TAFA1: variants seen among roughly 807,000 people sequenced by gnomAD.
TAFA1 encodes the protein TAFA chemokine like family member 1, also known as chemokine-like protein TAFA-1.
A neutral mutation model predicts 18.5 loss-of-function variants in TAFA1; 4 were observed. The observed-to-expected ratio is 0.22, with a 90% CI of 0.11 to 0.49. The LOEUF (loss-of-function observed/expected upper bound fraction) is 0.49, where lower values mean the gene tolerates loss of function less well. Among genes scored for constraint, TAFA1 ranks in the 20% least tolerant of loss-of-function variants. TAFA1 has a pLI of 0.98. For missense variants in TAFA1, 147 were observed against 169.0 expected (o/e 0.87, Z 0.72); for synonymous variants, 56 against 55.2 (o/e 1.01, Z -0.06).
chr3:68,002,213 G>A (rs1332447730), upstream of TAFA1, among the ~76,000 whole-genome samples: 2 of 152,170 alleles, frequency 1.3e-5, no homozygotes, highest in African/African-American at 4.8e-5. Flanking sequence ...CAATGCAATG[G>A]ACTGCAAGGT....
intron 2 of TAFA1, among the ~76,000 whole-genome samples, chr3:68,150,834 G>C (rs2065798507): frequency 6.6e-6 from 1 of 152,036 alleles, no homozygotes; most frequent in Admixed American, 6.6e-5. Context: ...AAGATCTTCA[G>C]TAAAACCATA....
intron 3 of TAFA1, among the ~76,000 whole-genome samples, chr3:68,459,691 C>A (rs1447681138): frequency 3.9e-5 from 6 of 152,148 alleles, no homozygotes; most frequent in Non-Finnish European, 8.8e-5. Context: ...AAAATCAATA[C>A]AAAGAGCTCA....
chr3:68,392,176 CAAAAAAAA>C (rs57440480), intron 2 of TAFA1, among the ~76,000 whole-genome samples: 1 of 109,306 alleles, frequency 9.1e-6, no homozygotes, highest in African/African-American at 3.4e-5. Flanking sequence ...TTTAGGAAAG[CAAAAAAAA>C]AAAAAAAAAA....
chr3:68,418,253 G>T (rs1326604816), intron 3 of TAFA1, among the ~76,000 whole-genome samples: 1 of 152,118 alleles, frequency 6.6e-6, no homozygotes, highest in African/African-American at 2.4e-5. Context: ...AGCAAAGGGA[G>T]ATAAGGGTGG....
At chr3:68,114,680 A>C (rs550569535) in intron 2 of TAFA1, among the ~76,000 whole-genome samples, 3 of 152,364 alleles carry the variant, frequency 2.0e-5, no homozygotes, top group African/African-American at 7.2e-5. Context: ...AATACAATTG[A>C]AAATGCAAAC....
intron 2 of TAFA1, among the ~76,000 whole-genome samples, chr3:68,185,023 A>G (rs912069978): frequency 1.3e-5 from 2 of 152,156 alleles, no homozygotes; most frequent in Non-Finnish European, 1.5e-5. Flanking sequence ...TAACCCTGCT[A>G]TATGTCAGGG....
At chr3:68,047,523 C>T (rs969165168) in intron 2 of TAFA1, among the ~76,000 whole-genome samples, 2 of 152,114 alleles carry the variant, frequency 1.3e-5, no homozygotes, top group African/African-American at 4.8e-5. Context: ...GGGATCTATT[C>T]TTTCTTTTGG....
chr3:68,380,525 T>C (rs1418287675), intron 2 of TAFA1, among the ~76,000 whole-genome samples: 6 of 152,216 alleles, frequency 3.9e-5, no homozygotes, highest in Admixed American at 1.3e-4. Flanking sequence ...CCAGTGATGA[T>C]GAGCATTTTT....
At chr3:68,452,065 T>C (rs1233854109) in intron 3 of TAFA1, among the ~76,000 whole-genome samples, 1 of 151,964 alleles carries the variant, frequency 6.6e-6, no homozygotes, top group East Asian at 1.9e-4. Flanking sequence ...GGAGGATGGC[T>C]GGGAGAAAAC....
chr3:68,158,815 A>G (rs2065893623), intron 2 of TAFA1, among the ~76,000 whole-genome samples: 1 of 152,340 alleles, frequency 6.6e-6, no homozygotes, highest in South Asian at 2.1e-4. Flanking sequence ...CTACAGCATC[A>G]TATATGTATT....
intron 2 of TAFA1, among the ~76,000 whole-genome samples, chr3:68,329,486 C>T (rs1460437147): frequency 6.6e-6 from 1 of 152,090 alleles, no homozygotes; most frequent in East Asian, 1.9e-4. Context: ...TGGGATAAGT[C>T]TTTACTCAGT....
At chr3:68,163,563 G>C (rs927581130) in intron 2 of TAFA1, among the ~76,000 whole-genome samples, 5 of 152,106 alleles carry the variant, frequency 3.3e-5, no homozygotes, top group African/African-American at 4.8e-5. Context: ...TGCTCCCATA[G>C]TGTTATGATG....
chr3:68,372,418 TC>T (rs1344408433), intron 2 of TAFA1, among the ~76,000 whole-genome samples: 1 of 152,124 alleles, frequency 6.6e-6, no homozygotes, highest in Non-Finnish European at 1.5e-5. Flanking sequence ...GAATAATCAG[TC>T]CCAGAAACTG....
intron 3 of TAFA1, among the ~76,000 whole-genome samples, chr3:68,461,177 G>C (rs2071770539): frequency 6.6e-6 from 1 of 151,804 alleles, no homozygotes; most frequent in African/African-American, 2.4e-5. Flanking sequence ...AGCTACTCAG[G>C]AGGCTGAGGC....
At chr3:68,256,079 T>C (rs978897597) in intron 2 of TAFA1, among the ~76,000 whole-genome samples, 1 of 152,100 alleles carries the variant, frequency 6.6e-6, no homozygotes. Context: ...TTTCCAAATA[T>C]TAGATTCTAA....
chr3:68,030,356 C>T (rs935984957), intron 2 of TAFA1, among the ~76,000 whole-genome samples: 2 of 151,830 alleles, frequency 1.3e-5, no homozygotes, highest in Non-Finnish European at 2.9e-5. Flanking sequence ...TGGTGGTTTC[C>T]TGCACCCATC....
chr3:68,384,207 T>C (rs1182817898), intron 2 of TAFA1, among the ~76,000 whole-genome samples: 1 of 152,074 alleles, frequency 6.6e-6, no homozygotes, highest in Non-Finnish European at 1.5e-5. Flanking sequence ...CGGTTATTTC[T>C]TGTCTTCTGC....
intron 2 of TAFA1, among the ~76,000 whole-genome samples, chr3:68,064,123 C>T (rs2064642338): frequency 1.3e-5 from 2 of 151,968 alleles, no homozygotes; most frequent in South Asian, 2.1e-4. Flanking sequence ...AGGGGAGAAC[C>T]GGCAGAATGC....
At chr3:68,144,450 CGTACTTAAAAACGTG>C (rs1291554233) in intron 2 of TAFA1, among the ~76,000 whole-genome samples, 1 of 152,130 alleles carries the variant, frequency 6.6e-6, no homozygotes, top group Non-Finnish European at 1.5e-5. Context: ...TGCTTTAATT[CGTACTTAAAAACGTG>C]GATGGTAAAA....
Sources: gnomAD v4.1 joint callset for allele counts (sites outside exome capture counted in the v4.1 genomes callset) on GRCh38, gnomAD v4.1.1 for gene constraint, MANE v1.5 for transcripts, NCBI Gene and HGNC (gene_info 2026-07-23, HGNC 2026-07-21) for gene names.